MAGI3: variants seen among roughly 807,000 people sequenced by gnomAD.
MAGI3 encodes membrane-associated guanylate kinase, WW and PDZ domain-containing protein 3.
A neutral mutation model predicts 121.8 loss-of-function variants in MAGI3; 43 were observed. The observed-to-expected ratio is 0.35, with a 90% CI of 0.28 to 0.46. The LOEUF is 0.46. MAGI3 is among the 20% of genes least tolerant of loss of function. MAGI3 has a pLI of 1.00. For synonymous variants in MAGI3, 553 were observed against 639.3 expected, an observed-to-expected ratio of 0.86 and a Z score of 2.04; for missense variants, 1,547 against 1,797.3, an observed-to-expected ratio of 0.86 and a Z score of 2.52.
Position 113,575,961 on chromosome 1 carries a change from C to T in MAGI3, c.434-4581C>T, listed in dbSNP as rs980421899. ...GCGCTGCAGTGAGTTCCACACAGTCCGAACTTCCTGGCGGCTTCCTTAACA... is the reference window on the plus strand; with the variant it reads ...GCGCTGCAGTGAGTTCCACACAGTCTGAACTTCCTGGCGGCTTCCTTAACA... On this transcript the variant is annotated intron_variant, in intron 2 of 20. Transcript: ENST00000307546. Among the ~76,000 whole-genome samples the T allele has an allele frequency of 2.0e-5, 3 of 152,288 alleles. No individual in the cohort carries two copies. The East Asian group carries it at 5.8e-4, about 29-fold the overall frequency.
chr1:113,647,758 A>G (rs1652928355), intron 12 of MAGI3, among the ~76,000 whole-genome samples: 1 of 152,168 alleles, frequency 6.6e-6, no homozygotes, highest in Non-Finnish European at 1.5e-5. Context: ...AAAGATGAAA[A>G]CCAGTTGTAC....
intron 1 of MAGI3, among the ~76,000 whole-genome samples, chr1:113,431,259 G>A (rs963174290): frequency 6.6e-6 from 1 of 152,176 alleles, no homozygotes; most frequent in African/African-American, 2.4e-5. Context: ...TCGAAGTTAC[G>A]GTGAGCTATG....
At chr1:113,394,418 A>G (rs1437777496) in intron 1 of MAGI3, among the ~76,000 whole-genome samples, 4 of 152,204 alleles carry the variant, frequency 2.6e-5, no homozygotes, top group African/African-American at 9.6e-5. Context: ...TTCTGCAAAG[A>G]GAAAAGTTGT....
At chr1:113,484,513 T>A (rs1656256682) in intron 1 of MAGI3, among the ~76,000 whole-genome samples, 1 of 152,156 alleles carries the variant, frequency 6.6e-6, no homozygotes, top group Non-Finnish European at 1.5e-5. Context: ...CGTTTTCCAT[T>A]CCTGGGTTAC....
intron 9 of MAGI3, among the ~76,000 whole-genome samples, chr1:113,632,505 A>G (rs1651698254): frequency 6.6e-6 from 1 of 152,210 alleles, no homozygotes; most frequent in Non-Finnish European, 1.5e-5. Flanking sequence ...AATAAAAGCT[A>G]ATTGATGAGA....
chr1:113,553,709 A>G (rs889688281), intron 2 of MAGI3, among the ~76,000 whole-genome samples: 2 of 152,070 alleles, frequency 1.3e-5, no homozygotes, highest in African/African-American at 2.4e-5. Context: ...GTAAATCAAC[A>G]CTCTTTAAAG....
intron 7 of MAGI3, among the ~76,000 whole-genome samples, chr1:113,618,098 C>T (rs1293502014): frequency 6.6e-6 from 1 of 151,998 alleles, no homozygotes; most frequent in Non-Finnish European, 1.5e-5. Context: ...CATTTCTCTA[C>T]CACCACTCTT....
rs755389296 is a variant in MAGI3, at chr1:113,618,526, G to A, written c.1077-1210G>A. ...ATTTTTATTTTTTATTTTTTTTGCC[G>A]TGGAGTTTCACTCTTGTCGCCCAAG... On this transcript the variant is annotated intron_variant, in intron 7 of 20. Transcript: ENST00000307546. The A allele has an allele frequency of 4.3e-5, 19 of 446,456 alleles. 1 individual carries two copies. The highest frequency in any genetic ancestry group is 2.1e-4 in the South Asian group (13 of 63,324). 27.7% of individuals were successfully genotyped at this position (446,456 alleles called of 1,614,324 possible).
In MAGI3 at chr1:113,668,246, A is replaced by G. The variant is rs952855473; in HGVS notation, c.2816-3488A>G. Among the ~76,000 whole-genome samples the G allele has an allele frequency of 4.6e-5, 7 of 152,336 alleles. No individual in the cohort carries two copies. In the East Asian group the frequency reaches 7.7e-4, roughly 17 times the overall value. ...AAACCTTCAATTTATAAAAAATGCA[A>G]TAAAATGAAGTGTACTAAAATAAGG... On this transcript the variant is annotated intron_variant, in intron 16 of 20. Transcript: ENST00000307546.
chr1:113,523,156 C>T (rs1025578365), intron 1 of MAGI3, among the ~76,000 whole-genome samples: 10 of 152,290 alleles, frequency 6.6e-5, no homozygotes, highest in South Asian at 6.2e-4. Context: ...TTTCACCTTC[C>T]GCCGTGACTG....
At chr1:113,682,195 T>C (rs372804967) in intron 20 of MAGI3, 1 of 1,604,594 alleles carries the variant, frequency 6.2e-7, no homozygotes, top group Non-Finnish European at 8.5e-7. Context: ...CCTAGGCTTT[T>C]TCTCTTCCCT....
At chr1:113,656,440 G>A (rs1048970444) in intron 15 of MAGI3, among the ~76,000 whole-genome samples, 1 of 149,924 alleles carries the variant, frequency 6.7e-6, no homozygotes, top group Non-Finnish European at 1.5e-5. Context: ...TTTTGAGACA[G>A]TCTTACTCTG....
At chr1:113,411,011 G>C (rs901042375) in intron 1 of MAGI3, among the ~76,000 whole-genome samples, 1 of 152,122 alleles carries the variant, frequency 6.6e-6, no homozygotes, top group Non-Finnish European at 1.5e-5. Context: ...GATGGATCTT[G>C]TGTAAAAGTA....
intron 6 of MAGI3, among the ~76,000 whole-genome samples, chr1:113,601,251 C>T (rs1328541266): frequency 6.6e-6 from 1 of 152,064 alleles, no homozygotes; most frequent in East Asian, 1.9e-4. Context: ...AGCTTCTGCA[C>T]AGCAAAAGAA....
intron 2 of MAGI3, among the ~76,000 whole-genome samples, chr1:113,573,978 T>G (rs1647466899): frequency 6.6e-6 from 1 of 152,216 alleles, no homozygotes; most frequent in Admixed American, 6.5e-5. Flanking sequence ...TTTGTTGGTT[T>G]AAAGTCTGTT....
intron 7 of MAGI3, among the ~76,000 whole-genome samples, chr1:113,618,110 A>G (rs372224570): frequency 4.6e-5 from 7 of 152,056 alleles, no homozygotes; most frequent in Non-Finnish European, 7.4e-5. Context: ...ACCACTCTTA[A>G]TGTTTACAAA....
At chr1:113,582,209 C>T (rs1428539314) in intron 3 of MAGI3, among the ~76,000 whole-genome samples, 1 of 152,084 alleles carries the variant, frequency 6.6e-6, no homozygotes, top group Admixed American at 6.6e-5. Context: ...TATAATCCTT[C>T]TGGAGAGCAT....
At chr1:113,430,701 T>C (rs1248991176) in intron 1 of MAGI3, among the ~76,000 whole-genome samples, 1 of 152,192 alleles carries the variant, frequency 6.6e-6, no homozygotes, top group African/African-American at 2.4e-5. Context: ...GAAGTATCTC[T>C]ACATTTAAAT....
intron 1 of MAGI3, among the ~76,000 whole-genome samples, chr1:113,407,678 G>T (rs528518172): frequency 6.6e-6 from 1 of 151,878 alleles, no homozygotes; most frequent in African/African-American, 2.4e-5. Flanking sequence ...CTAAACCTTG[G>T]AGAAAAATAT....
Sources: allele counts gnomAD v4.1 joint callset (sites outside exome capture counted in the v4.1 genomes callset), GRCh38; gene constraint gnomAD v4.1.1; transcripts MANE v1.5; gene names NCBI Gene and HGNC (gene_info 2026-07-23, HGNC 2026-07-21).